ZNF569: variants seen among roughly 807,000 people sequenced by gnomAD.
ZNF569 encodes DNA-binding protein.
ZNF569 carries 38 observed loss-of-function variants against 56.3 expected under a neutral mutation model. That is an observed-to-expected ratio of 0.68 (90% CI 0.52 to 0.88). The LOEUF (loss-of-function observed/expected upper bound fraction) is 0.88. ZNF569 is among the 40% of genes least tolerant of loss of function. The pLI is 0.00. For missense variants in ZNF569, 666 were observed against 809.2 expected (o/e 0.82, Z 2.15); for synonymous variants, 241 against 262.9 (o/e 0.92, Z 0.81).
chr19:37,463,555 T>A (rs918551461), intron 2 of ZNF569, among the ~76,000 whole-genome samples: 1 of 152,228 alleles, frequency 6.6e-6, no homozygotes, highest in Non-Finnish European at 1.5e-5. Flanking sequence ...ACAATAATAA[T>A]AAATGACTGT....
rs529917389 is a variant in ZNF569, at chr19:37,452,577, AT to A, written c.-43-7614del. The stretch of plus-strand genomic sequence containing the variant: ...AGTATAGTATTCCGGGTTGGCAGAG[AT>A]TTTTTTGTTATTGTTGTTTGTTTTG... On this transcript the variant is annotated intron_variant, in intron 2 of 5. Transcript: ENST00000316950. Among the ~76,000 whole-genome samples the A allele has an allele frequency of 7.1e-3, 1,078 of 151,950 alleles. 15 individuals carry two copies. The highest frequency in any genetic ancestry group is 0.024 in the African/African-American group (1,004 of 41,430).
chr19:37,435,397 A>G (rs2041293267), intron 3 of ZNF569, among the ~76,000 whole-genome samples: 1 of 152,190 alleles, frequency 6.6e-6, no homozygotes, highest in African/African-American at 2.4e-5. Flanking sequence ...GGAAGACAGG[A>G]AGGCAGGAAA....
At chr19:37,419,828 C>T (rs112098254) in intron 5 of ZNF569, among the ~76,000 whole-genome samples, 4,587 of 152,052 alleles carry the variant, frequency 0.03, 212 homozygotes, top group African/African-American at 0.096. Context: ...AAAATGCTAA[C>T]AATCATCTGA....
At chr19:37,438,009 G>A (rs188121495) in intron 3 of ZNF569, among the ~76,000 whole-genome samples, 53 of 152,120 alleles carry the variant, frequency 3.5e-4, no homozygotes, top group Non-Finnish European at 6.2e-4. Flanking sequence ...CCCAGAATAG[G>A]CAAAGCCATC....
rs1294481353 is a variant in ZNF569, at chr19:37,450,372, A to C, written c.-43-5408T>G. The stretch of plus-strand genomic sequence containing the variant: ...ATTTTATAATATTTCTTCATGATCT[A>C]ATCTTGGTAGTTCGTATGTTTCTAG... On this transcript the variant is annotated intron_variant, in intron 2 of 5. Coordinates refer to ENST00000316950, the MANE Select transcript of ZNF569 (RefSeq NM_152484.3). Among the ~76,000 whole-genome samples the C allele has an allele frequency of 2.0e-5, 3 of 152,148 alleles. No homozygotes were observed. In the East Asian group the frequency reaches 5.8e-4, roughly 29 times the overall value.
At chr19:37,449,473 G>C (rs896893737) in intron 2 of ZNF569, among the ~76,000 whole-genome samples, 1 of 152,068 alleles carries the variant, frequency 6.6e-6, no homozygotes, top group Non-Finnish European at 1.5e-5. Context: ...TTGTGCGTGT[G>C]TCTATTTCTC....
At chr19:37,426,081 T>C in intron 4 of ZNF569, 118 bp from the exon 5 acceptor site, 2 of 1,321,744 alleles carry the variant, frequency 1.5e-6, no homozygotes, top group East Asian at 2.3e-5. Flanking sequence ...GCTTCGGGGG[T>C]TCTGTCCCCT....
chr19:37,451,246 A>C (rs1164266168), intron 2 of ZNF569, among the ~76,000 whole-genome samples: 1 of 151,996 alleles, frequency 6.6e-6, no homozygotes. Flanking sequence ...CTAAAAATAC[A>C]AAAATTAGCT....
chr19:37,443,852 C>CAAAA (rs1201588423), intron 3 of ZNF569, among the ~76,000 whole-genome samples: 11 of 114,624 alleles, frequency 9.6e-5, no homozygotes, highest in Non-Finnish European at 1.5e-4. Context: ...ACTAAAAATA[C>CAAAA]AAAAAAAAAA....
At chr19:37,449,888 A>G (rs923262775) in intron 2 of ZNF569, among the ~76,000 whole-genome samples, 13 of 152,172 alleles carry the variant, frequency 8.5e-5, no homozygotes, top group African/African-American at 3.1e-4. Flanking sequence ...ATACAGCTGG[A>G]TTAAGATGTA....
intron 3 of ZNF569, among the ~76,000 whole-genome samples, chr19:37,430,301 A>G (rs908575245): frequency 6.6e-6 from 1 of 152,200 alleles, no homozygotes; most frequent in Non-Finnish European, 1.5e-5. Context: ...AAAAGGACAG[A>G]AAAAATCAAA....
chr19:37,458,483 A>ATACCTTCT (rs922144819), intron 2 of ZNF569, among the ~76,000 whole-genome samples: 2 of 152,200 alleles, frequency 1.3e-5, no homozygotes, highest in Non-Finnish European at 2.9e-5. Flanking sequence ...CCTTTGACCA[A>ATACCTTCT]TACCTTCTTG....
At chr19:37,419,714 C>T (rs1451290916) in intron 5 of ZNF569, among the ~76,000 whole-genome samples, 2 of 151,468 alleles carry the variant, frequency 1.3e-5, no homozygotes, top group African/African-American at 4.9e-5. Flanking sequence ...CTAAGAGAGA[C>T]TACGTCTCAA....
At chr19:37,431,731 G>A (rs2041228200) in intron 3 of ZNF569, 1 of 152,224 alleles carries the variant, frequency 6.6e-6, no homozygotes. Context: ...GGGTTCTTGG[G>A]GTCCCCAATT....
At position 37,425,881 on chromosome 19, in the gene ZNF569, C is replaced by T; in HGVS notation, c.225G>A (p.Arg75=). The T allele has an allele frequency of 6.2e-7, 1 of 1,613,894 alleles. No individual in the cohort carries two copies. The highest frequency in any genetic ancestry group is 8.5e-7 in the Non-Finnish European group (1 of 1,179,838). ...EPWVMEEEVL[R]RHWQGEIWGV... ...CCTTCCACTAACCTTGCCAGTGTCT[C>T]CTTAATACTTCTTCCTCCATCACCC... The change falls in exon 5 of 6, where the codon AGG becomes AGA. Residue 75 remains arginine (R), a synonymous_variant. Coordinates refer to ENST00000316950, the MANE Select transcript of ZNF569 (RefSeq NM_152484.3).
intron 2 of ZNF569, among the ~76,000 whole-genome samples, chr19:37,464,938 G>C (rs1211882896): frequency 2.0e-5 from 3 of 152,066 alleles, no homozygotes; most frequent in Non-Finnish European, 4.4e-5. Context: ...CTCACTCAGA[G>C]GAAAAGCCAA....
intron 3 of ZNF569, 61 bp downstream of exon 3, chr19:37,444,846 C>A: frequency 7.5e-7 from 1 of 1,327,322 alleles, no homozygotes; most frequent in Non-Finnish European, 1.1e-6. Flanking sequence ...TGAATTACTG[C>A]AATCCCCTTA....
At position 37,452,320 on chromosome 19, in the gene ZNF569, T is replaced by C. The variant is rs144164008; in HGVS notation, c.-43-7356A>G. ...TGTCTTTTAACTTTCATAGTAGAATTAAAAGTTATTTACCCACCACCATTA... is the reference window on the plus strand; with the variant it reads ...TGTCTTTTAACTTTCATAGTAGAATCAAAAGTTATTTACCCACCACCATTA... On this transcript the variant is annotated intron_variant, in intron 2 of 5. Transcript: ENST00000316950. 3.3e-5 allele frequency among the ~76,000 whole-genome samples: 5 copies of C among 152,378 alleles called. No homozygotes were observed. The East Asian group carries it at 7.7e-4, about 23-fold the overall frequency.
chr19:37,412,956 G>T lies in ZNF569; in HGVS notation c.1702C>A (p.His568Asn). ...AFSQCSLLNLHMRSHTGEKPY... is the reference protein window; with the variant it reads ...AFSQCSLLNLNMRSHTGEKPY... ...TTCTCACCTGTGTGACTTCTCATATGTAAATTAAGCAGTGAGCACTGAGAG... is the reference window on the plus strand; with the variant it reads ...TTCTCACCTGTGTGACTTCTCATATTTAAATTAAGCAGTGAGCACTGAGAG... Residue 568 changes from histidine (H) to asparagine (N), a missense_variant, in exon 6 of 6, where the codon CAT (histidine) becomes AAT (asparagine). Coordinates refer to ENST00000316950, the MANE Select transcript of ZNF569 (RefSeq NM_152484.3). 1 of 1,613,700 alleles carries T rather than the reference G, an allele frequency of 6.2e-7. No homozygotes were observed. The highest frequency in any genetic ancestry group is 1.3e-5 in the African/African-American group (1 of 74,992).
Sources: gnomAD v4.1 joint callset for allele counts (sites outside exome capture counted in the v4.1 genomes callset) on GRCh38, gnomAD v4.1.1 for gene constraint, MANE v1.5 for transcripts, NCBI Gene and HGNC (gene_info 2026-07-23, HGNC 2026-07-21) for gene names.